Variants in CCDC32 observed in about 807,000 individuals in gnomAD.
CCDC32 encodes the protein coiled-coil domain-containing protein 32.
CCDC32 carries 9 observed loss-of-function variants against 20.1 expected under a neutral mutation model. That is an observed-to-expected ratio of 0.45 (90% CI 0.27 to 0.78). CCDC32 has a LOEUF of 0.78. Among genes scored for constraint, CCDC32 ranks in the 30% least tolerant of loss-of-function variants. The probability of loss-of-function intolerance (pLI) is 0.16; values close to 1 mark genes in which losing one functional copy is unlikely to be tolerated. For missense variants in CCDC32, 204 were observed against 215.5 expected, an observed-to-expected ratio of 0.95 and a Z score of 0.33; for synonymous variants, 63 against 79.0, an observed-to-expected ratio of 0.80 and a Z score of 1.07.
At chr15:40,532,051 C>T (rs1888897374), downstream of CCDC32, 5 of 423,216 alleles carry the variant, frequency 1.2e-5, no homozygotes, top group Non-Finnish European at 1.7e-5. Context: ...CTAATGTCCA[C>T]GAAGATGCCA....
chr15:40,552,421 C>T (rs544030614), downstream of CCDC32, among the ~76,000 whole-genome samples: 4 of 132,200 alleles, frequency 3.0e-5, no homozygotes, highest in Admixed American at 9.3e-5. Context: ...GCAGAGGTTG[C>T]GGGGAGCCAA....
rs1595890882 is a variant in CCDC32 at position 40,553,822 on chromosome 15, G to C, written c.*149C>G. ...TGTTTTCTTTGTGGAGTGGAAATTT[G>C]GGTTTTTTCCTTCAGTGGATTTCTC... On this transcript the variant is annotated 3_prime_UTR_variant, in exon 4 of 4. Transcript: ENST00000416810. 7.1e-7 allele frequency: 1 copy of C among 1,399,896 alleles called. No individual in the cohort carries two copies. The highest frequency in any genetic ancestry group is 2.6e-5 in the East Asian group (1 of 38,322). 86.7% of individuals were successfully genotyped at this position (1,399,896 alleles called of 1,614,324 possible). A position where few individuals can be genotyped will look rare whatever the true frequency, so the allele number is the denominator to read the frequency against.
chr15:40,553,398 A>AG lies in CCDC32; in HGVS notation c.*572_*573insC. 3.0e-6 allele frequency: 3 copies of AG among 984,978 alleles called. No homozygotes were observed. The highest frequency in any genetic ancestry group is 3.6e-6 in the Non-Finnish European group (3 of 829,814). The allele number at this position is 984,978 out of a possible 1,614,324, so 61.0% of individuals were successfully genotyped here. A position where few individuals can be genotyped will look rare whatever the true frequency, so the allele number is the denominator to read the frequency against. On this transcript the variant is annotated 3_prime_UTR_variant, in exon 4 of 4. Transcript: ENST00000416810. ...TGTTCCACAAGGAACAAATGAGAGA[A>AG]AGAAGCCCAGCCTCTCTCCCTGGAG... is the stretch of plus-strand genomic sequence containing the variant.
At chr15:40,543,408 T>C (rs1889483751) in intron 3 of CCDC32, among the ~76,000 whole-genome samples, 1 of 152,168 alleles carries the variant, frequency 6.6e-6, no homozygotes, top group Non-Finnish European at 1.5e-5. Flanking sequence ...CATTTATCTC[T>C]GAGAAACTAG....
chr15:40,526,921 A>C (rs1358305103), downstream of CCDC32, among the ~76,000 whole-genome samples: 2 of 152,160 alleles, frequency 1.3e-5, no homozygotes, highest in African/African-American at 4.8e-5. Context: ...TAATAATAAT[A>C]AAGTAAATAT....
At position 40,554,088 on chromosome 15, in the gene CCDC32, TTTATCTGGCTGGAGCCACC is replaced by T; in HGVS notation, c.422_440del (p.Arg141LysfsTer2). 6.2e-7 allele frequency: 1 copy of T among 1,614,126 alleles called. No individual in the cohort carries two copies. Among genetic ancestry groups the T allele is most frequent in the Non-Finnish European group, 8.5e-7 (1 of 1,180,004 alleles). On this transcript the variant is annotated frameshift_variant, in exon 4 of 4. Coordinates refer to ENST00000416810, the MANE Select transcript of CCDC32 (RefSeq NM_001080792.4). LOFTEE classifies it high-confidence loss of function. ...GGACCTCCTCTGTGCTGACGGCTAC[TTTATCTGGCTGGAGCCACC>T]TCTTGAAATGTTCCAAGGTGCTATG...
At chr15:40,558,861 A>G (rs1160035588) in intron 2 of CCDC32, among the ~76,000 whole-genome samples, 3 of 151,424 alleles carry the variant, frequency 2.0e-5, no homozygotes, top group Admixed American at 2.0e-4. Context: ...GTGCAGTGGC[A>G]CGATCTCACT....
chr15:40,521,548 T>C, the CCDC32 span, among the ~76,000 whole-genome samples: 3 of 152,220 alleles, frequency 2.0e-5, no homozygotes, highest in Non-Finnish European at 4.4e-5. Flanking sequence ...AGGAGTGAAA[T>C]TGCTGCATCA....
chr15:40,554,893 C>A (rs758317379), intron 3 of CCDC32, among the ~76,000 whole-genome samples: 10 of 152,292 alleles, frequency 6.6e-5, no homozygotes, highest in Non-Finnish European at 1.2e-4. Context: ...AGCACAAAGT[C>A]TTAACCCAAG....
downstream of CCDC32, among the ~76,000 whole-genome samples, chr15:40,527,620 A>G (rs1489025476): frequency 6.6e-6 from 1 of 152,156 alleles, no homozygotes; most frequent in Non-Finnish European, 1.5e-5. Flanking sequence ...TTTCTCACAG[A>G]TGGGTTCTTT....
In CCDC32 at chr15:40,553,964, G is replaced by C. The variant is rs370901547; in HGVS notation, c.*7C>G. The C allele has an allele frequency of 1.4e-6, 2 of 1,468,640 alleles. No homozygotes were observed. Among genetic ancestry groups the C allele is most frequent in the East Asian group, 5.4e-5 (2 of 36,916 alleles). 91.0% of individuals were successfully genotyped at this position (1,468,640 alleles called of 1,614,324 possible). A position where few individuals can be genotyped will look rare whatever the true frequency, so the allele number is the denominator to read the frequency against. On this transcript the variant is annotated 3_prime_UTR_variant, in exon 4 of 4. Coordinates refer to ENST00000416810, the MANE Select transcript of CCDC32 (RefSeq NM_001080792.4). ...TGTGTGTGTGTGTGTGTGTGTGTGT[G>C]TGTAATTTACTGTTCTGCTGCTGCT...
chr15:40,549,196 C>G (rs547011251), downstream of CCDC32, among the ~76,000 whole-genome samples: 1 of 152,292 alleles, frequency 6.6e-6, no homozygotes, highest in East Asian at 1.9e-4. Flanking sequence ...GCTCCCTGTT[C>G]TCCCACAATA....
At chr15:40,557,137 A>G in intron 3 of CCDC32, 79 bp downstream of exon 3, 4 of 1,513,642 alleles carry the variant, frequency 2.6e-6, no homozygotes, top group Non-Finnish European at 3.5e-6. Context: ...GTTCTTAAAA[A>G]TCTACTGCTG....
downstream of CCDC32, among the ~76,000 whole-genome samples, chr15:40,550,958 G>C (rs116330547): frequency 3.3e-3 from 502 of 152,286 alleles, 3 homozygotes; most frequent in African/African-American, 0.012. Context: ...ACCATCCCAT[G>C]ATCTGCACTT....
chr15:40,521,199 T>C, the CCDC32 span, among the ~76,000 whole-genome samples: 1 of 152,132 alleles, frequency 6.6e-6, no homozygotes, highest in African/African-American at 2.4e-5. Context: ...GAGTCAACTG[T>C]ATTTTCATCA....
the CCDC32 span, among the ~76,000 whole-genome samples, chr15:40,522,645 G>T: frequency 6.6e-6 from 1 of 151,998 alleles, no homozygotes; most frequent in African/African-American, 2.4e-5. Context: ...ATGTTACTGG[G>T]CAGGGAGCTT....
chr15:40,536,546 G>C (rs1889117651), downstream of CCDC32: 1 of 152,464 alleles, frequency 6.6e-6, no homozygotes, highest in Non-Finnish European at 1.5e-5. Context: ...TCAGAGGTGA[G>C]GACCCCTGTC....
chr15:40,563,053 A>C, intron 1 of CCDC32, 26 bp from the exon 2 acceptor site: 1 of 1,606,180 alleles, frequency 6.2e-7, no homozygotes, highest in South Asian at 1.1e-5. Context: ...TCAAGTGAGT[A>C]AGAACTGGCT....
downstream of CCDC32, among the ~76,000 whole-genome samples, chr15:40,552,138 T>TA (rs1434882564): frequency 1.3e-5 from 2 of 149,790 alleles, no homozygotes; most frequent in African/African-American, 4.9e-5. Context: ...GCTTGGGTGA[T>TA]AGAGTGAGGA....
Sources: allele counts gnomAD v4.1 joint callset (sites outside exome capture counted in the v4.1 genomes callset), GRCh38; gene constraint gnomAD v4.1.1; transcripts MANE v1.5; gene names NCBI Gene and HGNC (gene_info 2026-07-23, HGNC 2026-07-21).